The following MME variants were observed in gnomAD, a reference collection of about 807,000 sequenced individuals.
The protein encoded by MME is neprilysin.
A neutral mutation model predicts 113.2 loss-of-function variants in MME; 98 were observed. The ratio of observed to expected loss-of-function variants is 0.87; its 90% CI spans 0.74 to 1.02. The LOEUF (loss-of-function observed/expected upper bound fraction) is 1.02. Among genes scored for constraint, MME ranks in the 50% least tolerant of loss-of-function variants. The pLI is 0.00. For missense variants in MME, 836 were observed against 896.0 expected (o/e 0.93, Z 0.86); for synonymous variants, 292 against 300.6 (o/e 0.97, Z 0.30).
At chr3:155,129,824 A>G (rs1376640027) in intron 8 of MME, among the ~76,000 whole-genome samples, 1 of 152,208 alleles carries the variant, frequency 6.6e-6, no homozygotes, top group Admixed American at 6.5e-5. Context: ...AAACAATACG[A>G]AAGATACACA....
intron 8 of MME, among the ~76,000 whole-genome samples, chr3:155,137,429 G>C (rs2108302055): frequency 6.6e-6 from 1 of 152,310 alleles, no homozygotes; most frequent in South Asian, 2.1e-4. Flanking sequence ...TATTATGGCT[G>C]AGCATGGTGG....
chr3:155,065,161 C>T (rs1714347338), intron 1 of MME, among the ~76,000 whole-genome samples: 1 of 152,100 alleles, frequency 6.6e-6, no homozygotes, highest in Admixed American at 6.6e-5. Context: ...GTAAAGTATC[C>T]TTTGGCACTT....
chr3:155,107,425 T>G (rs1315121193), intron 3 of MME, among the ~76,000 whole-genome samples: 1 of 152,056 alleles, frequency 6.6e-6, no homozygotes, highest in Non-Finnish European at 1.5e-5. Flanking sequence ...ATGTGGTATG[T>G]ATGTTGTAAA....
At chr3:155,051,570 A>G (rs1481674793) in intron 1 of MME, among the ~76,000 whole-genome samples, 3 of 152,098 alleles carry the variant, frequency 2.0e-5, no homozygotes, top group Admixed American at 6.6e-5. Context: ...AGCAAAGGGG[A>G]CGCTCCTTAT....
At chr3:155,134,586 T>G (rs1484887193) in intron 8 of MME, among the ~76,000 whole-genome samples, 1 of 152,200 alleles carries the variant, frequency 6.6e-6, no homozygotes, top group East Asian at 1.9e-4. Context: ...TTGTGAGTAG[T>G]GCTGTGATTA....
intron 3 of MME, among the ~76,000 whole-genome samples, chr3:155,102,440 A>C (rs978966837): frequency 6.6e-6 from 1 of 152,154 alleles, no homozygotes; most frequent in Non-Finnish European, 1.5e-5. Flanking sequence ...TACCGATCTG[A>C]TAACTCATTG....
At chr3:155,073,931 ATTTTGTAGAT>A (rs1714662563) in intron 1 of MME, among the ~76,000 whole-genome samples, 1 of 152,070 alleles carries the variant, frequency 6.6e-6, no homozygotes, top group South Asian at 2.1e-4. Context: ...TATGAGTAAT[ATTTTGTAGAT>A]TACTTTGGTT....
rs975287194 is a variant in MME, at chr3:155,043,868, G to A, written c.-11+19544G>A. Reference sequence around the variant, plus strand: ...GCTATACTTACATGTTTACTTTTACGAATTTACTCTGTTAGTATTTTGTCT... The same window carrying A: ...GCTATACTTACATGTTTACTTTTACAAATTTACTCTGTTAGTATTTTGTCT... On this transcript the variant is annotated intron_variant, in intron 1 of 22. Transcript: ENST00000492661. Among the ~76,000 whole-genome samples the A allele has an allele frequency of 5.9e-5, 9 of 151,844 alleles. No individual in the cohort carries two copies. In the South Asian group the frequency reaches 6.2e-4, roughly 11 times the overall value.
intron 16 of MME, among the ~76,000 whole-genome samples, chr3:155,149,151 GTCT>G (rs1485243628): frequency 6.6e-6 from 1 of 152,122 alleles, no homozygotes; most frequent in East Asian, 1.9e-4. Flanking sequence ...CTTATTCACA[GTCT>G]TCTTATGCTC....
chr3:155,173,333 T>TAA (rs11391196), intron 22 of MME, among the ~76,000 whole-genome samples: 50 of 147,362 alleles, frequency 3.4e-4, no homozygotes, highest in African/African-American at 6.7e-4. Context: ...GCAAGAAAGT[T>TAA]AAAAAAAAAA....
At chr3:155,151,070 G>A (rs761942010) in intron 16 of MME, among the ~76,000 whole-genome samples, 3 of 151,404 alleles carry the variant, frequency 2.0e-5, no homozygotes, top group Non-Finnish European at 2.9e-5. Context: ...GCAAGAATCC[G>A]TCTAAAAAAA....
At chr3:155,125,469 T>G (rs1222411655) in intron 8 of MME, among the ~76,000 whole-genome samples, 5 of 139,566 alleles carry the variant, frequency 3.6e-5, no homozygotes, top group African/African-American at 1.1e-4. Flanking sequence ...TTTTTTTTTT[T>G]TTTGAGACAG....
intron 22 of MME, among the ~76,000 whole-genome samples, chr3:155,179,928 T>C (rs1298075399): frequency 6.6e-6 from 1 of 152,188 alleles, no homozygotes; most frequent in African/African-American, 2.4e-5. Flanking sequence ...TTTCAAGACA[T>C]AGTGAGAAAT....
At position 155,163,048 on chromosome 3, in the gene MME, T is replaced by C. The variant is rs1231374100; in HGVS notation, c.1660+2600T>C. 3.3e-5 allele frequency among the ~76,000 whole-genome samples: 5 copies of C among 150,844 alleles called. No homozygotes were observed. The East Asian group carries it at 7.8e-4, about 23-fold the overall frequency. On this transcript the variant is annotated intron_variant, in intron 17 of 22. Transcript: ENST00000360490. ...AAAAAAAAAGAAAGAAAAAGAAATG[T>C]GTATGTGTATATAAATACACACATA... is the stretch of plus-strand genomic sequence containing the variant.
chr3:155,089,288 C>T (rs1277324508), intron 3 of MME, among the ~76,000 whole-genome samples: 3 of 152,168 alleles, frequency 2.0e-5, no homozygotes. Context: ...GCAGACTTTT[C>T]CGTGTAAGTC....
intron 1 of MME, among the ~76,000 whole-genome samples, chr3:155,068,578 A>C (rs1014515409): frequency 1.3e-5 from 2 of 152,192 alleles, no homozygotes; most frequent in Non-Finnish European, 2.9e-5. Flanking sequence ...CTATACTTTT[A>C]ACTACATTTC....
chr3:155,038,640 C>A (rs1281570324), intron 1 of MME, among the ~76,000 whole-genome samples: 1 of 152,140 alleles, frequency 6.6e-6, no homozygotes, highest in Non-Finnish European at 1.5e-5. Context: ...TCCAAGACCC[C>A]CAGTGGACTC....
chr3:155,030,390 T>C (rs1712928945), intron 1 of MME, among the ~76,000 whole-genome samples: 1 of 152,322 alleles, frequency 6.6e-6, no homozygotes, highest in East Asian at 1.9e-4. Context: ...GGTGGTCTTT[T>C]CAACTTTGCT....
rs199876835 is a variant in MME, at chr3:155,181,865, A to G, written c.*1406A>G. 2.0e-5 allele frequency: 3 copies of G among 152,174 alleles called. No homozygotes were observed. The highest frequency in any genetic ancestry group is 7.2e-5 in the African/African-American group (3 of 41,438). 9.4% of individuals were successfully genotyped at this position (152,174 alleles called of 1,614,324 possible). On this transcript the variant is annotated 3_prime_UTR_variant, in exon 23 of 23. Transcript: ENST00000360490. ...CAAAAGATGAAAGCAGGGAATTTCT[A>G]TCTAAATGATGAGTATTAGTTCCCT...
Sources: gnomAD v4.1 joint callset for allele counts (sites outside exome capture counted in the v4.1 genomes callset) on GRCh38, gnomAD v4.1.1 for gene constraint, MANE v1.5 for transcripts, NCBI Gene and HGNC (gene_info 2026-07-23, HGNC 2026-07-21) for gene names.